The following PIK3CD variants were observed in gnomAD, a reference collection of about 807,000 sequenced individuals.
The protein encoded by PIK3CD is phosphatidylinositol 4,5-bisphosphate 3-kinase catalytic subunit delta isoform.
In PIK3CD, 20 loss-of-function variants were observed where a neutral mutation model predicts 122.9. That is an observed-to-expected ratio of 0.16 (90% CI 0.11 to 0.24). The LOEUF is 0.24. PIK3CD is among the 10% of genes least tolerant of loss of function. The pLI is 1.00. For missense variants in PIK3CD, 787 were observed against 1,406.3 expected (o/e 0.56, Z 7.04); for synonymous variants, 596 against 593.4 (o/e 1.00, Z -0.06).
chr1:9,668,259 A>C (rs1044393016), intron 1 of PIK3CD, among the ~76,000 whole-genome samples: 8 of 151,780 alleles, frequency 5.3e-5, no homozygotes, highest in African/African-American at 1.9e-4. Flanking sequence ...TAGCTCTTCC[A>C]CTTCCCAGCT....
chr1:9,721,404 G>A (rs757908061), intron 14 of PIK3CD, 40 bp from the exon 15 acceptor site: 3 of 1,611,748 alleles, frequency 1.9e-6, no homozygotes, highest in Non-Finnish European at 2.5e-6. Context: ...CCTGTCCTGA[G>A]TCGGGGAGCT....
chr1:9,693,515 C>A (rs544619202), intron 2 of PIK3CD, among the ~76,000 whole-genome samples: 20 of 152,156 alleles, frequency 1.3e-4, no homozygotes, highest in Admixed American at 1.2e-3. Context: ...TTACAGGCGT[C>A]AGCCTCCACG....
rs763154879 is a variant in PIK3CD, at chr1:9,654,294, A to C, written c.-138+2492A>C. 3 of 1,367,732 alleles carry C rather than the reference A, an allele frequency of 2.2e-6. No individual in the cohort carries two copies. In the Admixed American group the frequency reaches 5.7e-5, roughly 26 times the overall value. 84.7% of individuals were successfully genotyped at this position (1,367,732 alleles called of 1,614,324 possible). ...GAAAAGCGCGTTTCTGCGTTTCTGCAGCCTCAGTCCACGCCGCCAGGTCTT... is the reference window on the plus strand; with the variant it reads ...GAAAAGCGCGTTTCTGCGTTTCTGCCGCCTCAGTCCACGCCGCCAGGTCTT... On this transcript the variant is annotated intron_variant, in intron 1 of 23. Coordinates refer to ENST00000377346, the MANE Select transcript of PIK3CD (RefSeq NM_005026.5).
Position 9,727,504 on chromosome 1 carries a change from C to T in PIK3CD, c.*458C>T, listed in dbSNP as rs1202092060. 7.6e-6 allele frequency: 2 copies of T among 263,332 alleles called. No homozygotes were observed. Among genetic ancestry groups the T allele is most frequent in the Non-Finnish European group, 1.5e-5 (2 of 133,642 alleles). 16.3% of individuals were successfully genotyped at this position (263,332 alleles called of 1,614,324 possible). A position where few individuals can be genotyped will look rare whatever the true frequency, so the allele number is the denominator to read the frequency against. On this transcript the variant is annotated 3_prime_UTR_variant, in exon 24 of 24. Coordinates refer to ENST00000377346, the MANE Select transcript of PIK3CD (RefSeq NM_005026.5). ...CTCCCTAGACTGAGTTCTGGCAGCT[C>T]CCCGAGGCAGCCGGGGTACCCTCTA...
At chr1:9,702,396 G>A (rs1646668567) in intron 2 of PIK3CD, among the ~76,000 whole-genome samples, 1 of 150,746 alleles carries the variant, frequency 6.6e-6, no homozygotes, top group African/African-American at 2.4e-5. Flanking sequence ...TGATGGGGCC[G>A]CCATCCAGTG....
rs943523063 is a variant in PIK3CD at position 9,724,543 on chromosome 1, C to T, written c.2864+122C>T. On this transcript the variant is annotated intron_variant, in intron 22 of 23. Coordinates refer to ENST00000377346, the MANE Select transcript of PIK3CD (RefSeq NM_005026.5). The surrounding 1 kb of genome is among the most constrained non-coding windows in gnomAD (Gnocchi z 7.3). Reference sequence around the variant, plus strand: ...TCAACCCCACACCTGGCCCCTCACCCCAACTGTTGATGGGTTTGGAACATG... The same window carrying T: ...TCAACCCCACACCTGGCCCCTCACCTCAACTGTTGATGGGTTTGGAACATG... 7.6e-6 allele frequency: 9 copies of T among 1,177,988 alleles called. No homozygotes were observed. The highest frequency in any genetic ancestry group is 1.3e-5 in the South Asian group (1 of 77,192). 73.0% of individuals were successfully genotyped at this position (1,177,988 alleles called of 1,614,324 possible). A position where few individuals can be genotyped will look rare whatever the true frequency, so the allele number is the denominator to read the frequency against.
chr1:9,644,581 A>G, the PIK3CD span, among the ~76,000 whole-genome samples: 2 of 152,244 alleles, frequency 1.3e-5, no homozygotes, highest in East Asian at 3.9e-4. Context: ...AACAGCCATC[A>G]TCGTTCTTCA....
chr1:9,713,673 C>T (rs566573010), intron 3 of PIK3CD, among the ~76,000 whole-genome samples: 3 of 152,174 alleles, frequency 2.0e-5, no homozygotes, highest in African/African-American at 7.2e-5. Flanking sequence ...TCTCTGCAGC[C>T]TTGACATCCT....
chr1:9,681,820 AGG>A (rs1645764850), intron 1 of PIK3CD, among the ~76,000 whole-genome samples: 1 of 152,222 alleles, frequency 6.6e-6, no homozygotes, highest in Admixed American at 6.5e-5. Flanking sequence ...TGAGAATCTC[AGG>A]ACGGAAGTAA....
In PIK3CD at chr1:9,721,753, C is replaced by T. The variant is rs1198639561; in HGVS notation, c.1956-8C>T. 1 of 1,612,952 alleles carries T rather than the reference C, an allele frequency of 6.2e-7. No individual in the cohort carries two copies. Among genetic ancestry groups the T allele is most frequent in the East Asian group, 2.2e-5 (1 of 44,878 alleles). ...CTGGTGAGGCTCAGCCCTCCCTTCA[C>T]CTTCCAGCTCCGAGATGCACGTGCC... is the stretch of plus-strand genomic sequence containing the variant. On this transcript the variant is annotated splice_region_variant and splice_polypyrimidine_tract_variant and intron_variant, in intron 15 of 23. Transcript: ENST00000377346.
chr1:9,651,659 T>C (rs1326535359), upstream of PIK3CD: 1 of 151,358 alleles, frequency 6.6e-6, no homozygotes, highest in Non-Finnish European at 1.5e-5. Flanking sequence ...GGAAACAAAG[T>C]GGGAAGTGGA....
At chr1:9,690,554 TTGCCACTGTCCCCTGGA>T (rs1371976512) in intron 1 of PIK3CD, among the ~76,000 whole-genome samples, 5 of 152,296 alleles carry the variant, frequency 3.3e-5, no homozygotes, top group African/African-American at 9.6e-5. Flanking sequence ...TGCGAAGTGC[TTGCCACTGTCCCCTGGA>T]TTTTGAGGGA....
intron 2 of PIK3CD, among the ~76,000 whole-genome samples, chr1:9,707,681 G>A (rs1646891198): frequency 6.6e-6 from 1 of 151,992 alleles, no homozygotes. Flanking sequence ...TCTTGCAAAG[G>A]ACATGATCTC....
Position 9,724,177 on chromosome 1 carries a change from G to A in PIK3CD, c.2718+85G>A, listed in dbSNP as rs1649127946. The A allele has an allele frequency of 1.2e-6, 2 of 1,613,282 alleles. No individual in the cohort carries two copies. The highest frequency in any genetic ancestry group is 2.7e-5 in the African/African-American group (2 of 74,880). On this transcript the variant is annotated intron_variant, in intron 21 of 23. Transcript: ENST00000377346. This position sits in a 1 kb window ranked among gnomAD's most constrained non-coding sequence, Gnocchi z 7.3. The stretch of plus-strand genomic sequence containing the variant: ...GCCCCTCTGCCTAGCACACAGCTCT[G>A]TGGCAGGGGTCCCCCAGCCCTGCTG...
intron 1 of PIK3CD, chr1:9,687,407 G>A (rs1416578685): frequency 1.3e-5 from 2 of 152,506 alleles, no homozygotes; most frequent in African/African-American, 2.4e-5. Context: ...CGTGACTTCC[G>A]GTGGCTGATT....
intron 1 of PIK3CD, among the ~76,000 whole-genome samples, chr1:9,682,007 A>G (rs1476393113): frequency 1.3e-5 from 2 of 152,046 alleles, no homozygotes; most frequent in Non-Finnish European, 2.9e-5. Context: ...GCTTTTCCCA[A>G]CTGCAGCTTC....
intron 1 of PIK3CD, chr1:9,654,495 C>T (rs1449985965): frequency 2.3e-6 from 1 of 436,094 alleles, no homozygotes; most frequent in Non-Finnish European, 2.9e-6. Context: ...AAAGCCAGCC[C>T]GCTTTCGCAC....
chr1:9,639,410 G>A, the PIK3CD span, among the ~76,000 whole-genome samples: 1 of 152,116 alleles, frequency 6.6e-6, no homozygotes, highest in Non-Finnish European at 1.5e-5. Flanking sequence ...CCCCGAGAGG[G>A]TAACCTATTT....
the PIK3CD span, among the ~76,000 whole-genome samples, chr1:9,632,861 CTTTTTT>C: frequency 1.6e-5 from 2 of 128,644 alleles, no homozygotes; most frequent in Non-Finnish European, 1.7e-5. Flanking sequence ...CAACCTGATT[CTTTTTT>C]TTTTTTTTTT....
Sources: gnomAD v4.1 joint callset for allele counts (sites outside exome capture counted in the v4.1 genomes callset) on GRCh38, gnomAD v4.1.1 for gene constraint, Gnocchi (gnomAD v3.1) non-coding constraint, MANE v1.5 for transcripts, NCBI Gene and HGNC (gene_info 2026-07-23, HGNC 2026-07-21) for gene names.